SOAT2: variants seen among roughly 807,000 people sequenced by gnomAD.
SOAT2 encodes ACAT-2.
SOAT2 carries 87 observed loss-of-function variants against 76.0 expected under a neutral mutation model. The ratio of observed to expected loss-of-function variants is 1.14; its 90% confidence interval spans 0.96 to 1.37. The LOEUF is 1.37. Among genes scored for constraint, SOAT2 ranks in the 40% most tolerant of loss-of-function variants. The probability of loss-of-function intolerance (pLI) is 0.00; values close to 1 mark genes in which losing one functional copy is unlikely to be tolerated. For synonymous variants in SOAT2, 285 were observed against 275.4 expected (o/e 1.03, Z -0.34); for missense variants, 686 against 682.1 (o/e 1.01, Z -0.06).
Position 53,110,168 on chromosome 12 carries a change from T to C in SOAT2, c.443+4154T>C, listed in dbSNP as rs138197127. ...CCAAAAGTATATTTTACTTTTCTTATACACCTTGCACATAAATTGTTTCTT... is the reference window on the plus strand; with the variant it reads ...CCAAAAGTATATTTTACTTTTCTTACACACCTTGCACATAAATTGTTTCTT... On this transcript the variant is annotated intron_variant, in intron 5 of 14. Coordinates refer to ENST00000301466, the MANE Select transcript of SOAT2 (RefSeq NM_003578.4). 1.2e-4 allele frequency among the ~76,000 whole-genome samples: 18 copies of C among 152,374 alleles called. No homozygotes were observed. The East Asian group carries it at 3.5e-3, about 29-fold the overall frequency.
Position 53,123,882 on chromosome 12 carries a change from C to T in SOAT2, c.1518+9C>T, listed in dbSNP as rs749077134. 1 of 1,613,996 alleles carries T rather than the reference C, an allele frequency of 6.2e-7. No homozygotes were observed. Among genetic ancestry groups the T allele is most frequent in the South Asian group, 1.1e-5 (1 of 91,060 alleles). ...ACTGCCCCTTACCCCAGGTAAGAGACCACAACCCTCATCCAGCTCCCCATC... is the reference window on the plus strand; with the variant it reads ...ACTGCCCCTTACCCCAGGTAAGAGATCACAACCCTCATCCAGCTCCCCATC... On this transcript the variant is annotated intron_variant, in intron 14 of 14. Coordinates refer to ENST00000301466, the MANE Select transcript of SOAT2 (RefSeq NM_003578.4).
At chr12:53,104,798 C>A (rs764101205) in intron 2 of SOAT2, among the ~76,000 whole-genome samples, 2 of 150,876 alleles carry the variant, frequency 1.3e-5, no homozygotes, top group Non-Finnish European at 2.9e-5. Flanking sequence ...CTGATCCTCG[C>A]TGCTGCCCCA....
chr12:53,123,719 C>T lies in SOAT2; in HGVS notation c.1373-9C>T. The T allele has an allele frequency of 4.3e-6, 7 of 1,614,144 alleles. No individual in the cohort carries two copies. Among genetic ancestry groups the T allele is most frequent in the Non-Finnish European group, 5.9e-6 (7 of 1,180,000 alleles). ...GGAGCTGGAATGACAACCTTTCCTCCTGCACCAGGAATGTTGAACTTCATG... is the reference window on the plus strand; with the variant it reads ...GGAGCTGGAATGACAACCTTTCCTCTTGCACCAGGAATGTTGAACTTCATG... On this transcript the variant is annotated splice_polypyrimidine_tract_variant and intron_variant, in intron 13 of 14. Coordinates refer to ENST00000301466, the MANE Select transcript of SOAT2 (RefSeq NM_003578.4).
chr12:53,123,677 G>C (rs560754655), intron 13 of SOAT2, 51 bp from the exon 14 acceptor site: 1 of 1,609,524 alleles, frequency 6.2e-7, no homozygotes, highest in African/African-American at 1.3e-5. Context: ...GGGAAGCCAG[G>C]GAGACAAGGC....
At chr12:53,108,888 C>T (rs1168981631) in intron 5 of SOAT2, among the ~76,000 whole-genome samples, 1 of 152,144 alleles carries the variant, frequency 6.6e-6, no homozygotes, top group Non-Finnish European at 1.5e-5. Context: ...TTAGGGTAGC[C>T]ATAGTTAAAG....
At chr12:53,115,800 G>A (rs530824395) in intron 6 of SOAT2, 146 bp downstream of exon 6, 12 of 1,044,754 alleles carry the variant, frequency 1.1e-5, no homozygotes, top group Non-Finnish European at 1.6e-5. Flanking sequence ...AGTTACCGGG[G>A]GTGGAGTCCA....
At chr12:53,118,271 A>G in intron 7 of SOAT2, 79 bp from the exon 8 acceptor site, 1 of 326,668 alleles carries the variant, frequency 3.1e-6, no homozygotes, top group Non-Finnish European at 5.5e-6. Context: ...CACCAATCCC[A>G]CCACCCTTCC....
At position 53,105,184 on chromosome 12, in the gene SOAT2, A is replaced by G. The variant is rs1194847107; in HGVS notation, c.216A>G (p.Ile72Met). The change falls in exon 3 of 15, where the codon ATA becomes ATG. Residue 72 changes from isoleucine to methionine, a missense_variant. Physicochemically the swap from Ile to Met is conservative, Grantham distance 10. Transcript: ENST00000301466. ...ELLDRAMREA[I>M]QSYPSQDKPL... ...TGGATCGGGCCATGCGGGAGGCTAT[A>G]CAATCCTACCCATCACAAGACAAAC... The G allele has an allele frequency of 6.3e-7, 1 of 1,596,516 alleles. No individual in the cohort carries two copies. The highest frequency in any genetic ancestry group is 1.1e-5 in the South Asian group (1 of 88,070).
At chr12:53,104,777 G>A (rs1049335283) in intron 2 of SOAT2, among the ~76,000 whole-genome samples, 1 of 151,998 alleles carries the variant, frequency 6.6e-6, no homozygotes, top group Non-Finnish European at 1.5e-5. Context: ...CCTTGCTCCT[G>A]CTGTCACTCC....
Position 53,121,352 on chromosome 12 carries a change from T to C in SOAT2, c.1187T>C (p.Val396Ala), listed in dbSNP as rs1182080555. ...TCCAACTACTACCGCACTTGGAACG[T>C]GGTGGTCCATGACTGGCTGTACAGC... ...SFSNYYRTWN[V>A]VVHDWLYSYV... Residue 396 changes from valine (V) to alanine (A), a missense_variant, in exon 12 of 15, where the codon GTG becomes GCG. Transcript: ENST00000301466. The C allele has an allele frequency of 2.5e-6, 4 of 1,614,006 alleles. No individual in the cohort carries two copies. The highest frequency in any genetic ancestry group is 3.4e-6 in the Non-Finnish European group (4 of 1,180,004).
chr12:53,105,452 C>A, intron 3 of SOAT2, 109 bp from the exon 4 acceptor site: 1 of 1,281,482 alleles, frequency 7.8e-7, no homozygotes, highest in Non-Finnish European at 1.1e-6. Context: ...TGGCCCTAGC[C>A]CTGACCTTTC....
chr12:53,120,539 T>C (rs1253868733), intron 10 of SOAT2, among the ~76,000 whole-genome samples: 3 of 148,502 alleles, frequency 2.0e-5, no homozygotes, highest in African/African-American at 7.5e-5. Context: ...CTTGGGAGGC[T>C]GAGGTGGGAG....
At chr12:53,107,637 T>TTTTTTTTTTTTTTTTTTTC (rs1937955370) in intron 5 of SOAT2, among the ~76,000 whole-genome samples, 2 of 149,718 alleles carry the variant, frequency 1.3e-5, no homozygotes, top group African/African-American at 5.0e-5. Context: ...TTTTTTTTTT[T>TTTTTTTTTTTTTTTTTTTC]TTTGAGACAG....
chr12:53,119,905 T>C (rs1256511702), intron 10 of SOAT2, among the ~76,000 whole-genome samples: 2 of 152,226 alleles, frequency 1.3e-5, no homozygotes, highest in African/African-American at 4.8e-5. Context: ...GTTGGACATC[T>C]TTCTGTCTCT....
chr12:53,119,650 G>C (rs931741266), intron 10 of SOAT2, among the ~76,000 whole-genome samples: 4 of 75,536 alleles, frequency 5.3e-5, no homozygotes, highest in African/African-American at 5.3e-4. Context: ...CCTATCTGGG[G>C]GAAGATATGT....
chr12:53,105,359 C>A, intron 3 of SOAT2, 116 bp downstream of exon 3: 1 of 1,352,588 alleles, frequency 7.4e-7, no homozygotes, highest in South Asian at 1.4e-5. Context: ...CTTCCCTCTT[C>A]CCCCCTTGTC....
intron 7 of SOAT2, among the ~76,000 whole-genome samples, chr12:53,117,002 AG>A (rs1258915318): frequency 7.1e-6 from 1 of 140,030 alleles, no homozygotes; most frequent in Non-Finnish European, 1.5e-5. Context: ...CCTGTTTCCC[AG>A]GCTGGAGTGC....
Position 53,106,020 on chromosome 12 carries a change from T to C in SOAT2, c.443+6T>C. ...GACTTCATTGATGAGGGCAGGTAGG[T>C]CCCCTTCCCACCTGGGACAGGCACA... On this transcript the variant is annotated splice_donor_region_variant and intron_variant, in intron 5 of 14. Transcript: ENST00000301466. 6.2e-7 allele frequency: 1 copy of C among 1,603,946 alleles called. No individual in the cohort carries two copies. Among genetic ancestry groups the C allele is most frequent in the Non-Finnish European group, 8.5e-7 (1 of 1,171,122 alleles).
intron 5 of SOAT2, among the ~76,000 whole-genome samples, chr12:53,111,896 T>C (rs1284119828): frequency 6.6e-6 from 1 of 152,252 alleles, no homozygotes; most frequent in East Asian, 1.9e-4. Context: ...AACTCTTTTA[T>C]ATATTTTCAG....
Sources: allele counts gnomAD v4.1 joint callset (sites outside exome capture counted in the v4.1 genomes callset), GRCh38; gene constraint gnomAD v4.1.1; transcripts MANE v1.5; gene names NCBI Gene and HGNC (gene_info 2026-07-23, HGNC 2026-07-21).